The following ENOX1 variants were observed in gnomAD, a reference collection of about 807,000 sequenced individuals.
The protein encoded by ENOX1 is candidate growth-related and time keeping constitutive hydroquinone (NADH) oxidase.
Under a neutral mutation model 82.5 loss-of-function variants are expected in ENOX1, and 42 were observed. The ratio of observed to expected loss-of-function variants is 0.51; its 90% confidence interval spans 0.40 to 0.66. ENOX1 has a LOEUF of 0.66. Ranked by LOEUF, ENOX1 falls within the 30% of genes least tolerant of loss-of-function variation. The probability of loss-of-function intolerance (pLI) is 0.00; values close to 1 mark genes in which losing one functional copy is unlikely to be tolerated. For missense variants in ENOX1, 608 were observed against 811.6 expected (o/e 0.75, Z 3.05); for synonymous variants, 271 against 282.2 (o/e 0.96, Z 0.40).
At chr13:43,470,345 T>C (rs374408100) in intron 3 of ENOX1, among the ~76,000 whole-genome samples, 7 of 13,176 alleles carry the variant, frequency 5.3e-4, no homozygotes, top group Admixed American at 1.0e-3. Context: ...TATATACGTA[T>C]ATATATATGT....
chr13:43,664,013 A>G lies in ENOX1; in HGVS notation c.-219+3466T>C, dbSNP rs1037276385. Among the ~76,000 whole-genome samples, 4 of 152,312 alleles carry G rather than the reference A, an allele frequency of 2.6e-5. No individual in the cohort carries two copies. The East Asian group carries it at 7.7e-4, about 29-fold the overall frequency. On this transcript the variant is annotated intron_variant, in intron 2 of 16. Coordinates refer to ENST00000690772, the MANE Select transcript of ENOX1 (RefSeq NM_001347969.2). ...GATCCTACAGAAAGCAGACATTAAG[A>G]TTCCTATTTTAACTGATTTGTGTAC... is the stretch of plus-strand genomic sequence containing the variant.
intron 5 of ENOX1, among the ~76,000 whole-genome samples, chr13:43,395,426 G>A (rs113572452): frequency 0.049 from 7,432 of 152,224 alleles, 519 homozygotes; most frequent in African/African-American, 0.15. Flanking sequence ...TGAGGTAGGA[G>A]GATCACTTGG....
chr13:43,732,405 G>A (rs2089399328), intron 1 of ENOX1, among the ~76,000 whole-genome samples: 1 of 152,110 alleles, frequency 6.6e-6, no homozygotes, highest in Non-Finnish European at 1.5e-5. Flanking sequence ...CATTACCAAA[G>A]ACTATTTGAA....
At chr13:43,396,413 CT>C (rs1205530115) in intron 5 of ENOX1, among the ~76,000 whole-genome samples, 1 of 152,168 alleles carries the variant, frequency 6.6e-6, no homozygotes, top group African/African-American at 2.4e-5. Context: ...CAGTTTTGCT[CT>C]TGTAGCCCAG....
At chr13:43,581,379 G>A (rs1014665396) in intron 2 of ENOX1, among the ~76,000 whole-genome samples, 5 of 151,816 alleles carry the variant, frequency 3.3e-5, no homozygotes, top group Admixed American at 6.6e-5. Context: ...TGATCCGCCC[G>A]CCTCAGCCTC....
intron 1 of ENOX1, among the ~76,000 whole-genome samples, chr13:43,676,316 A>C (rs1268431916): frequency 6.6e-6 from 1 of 152,204 alleles, no homozygotes; most frequent in Admixed American, 6.5e-5. Context: ...TTACCACTAA[A>C]ATAAGTCAGA....
intron 2 of ENOX1, among the ~76,000 whole-genome samples, chr13:43,607,710 A>G (rs1371356666): frequency 2.6e-5 from 4 of 152,190 alleles, no homozygotes; most frequent in African/African-American, 9.7e-5. Flanking sequence ...CTGCTCACCA[A>G]TTAGGGCAAG....
At chr13:43,689,605 T>G (rs752435700) in intron 1 of ENOX1, among the ~76,000 whole-genome samples, 1 of 152,210 alleles carries the variant, frequency 6.6e-6, no homozygotes, top group Non-Finnish European at 1.5e-5. Context: ...GATGGACTGC[T>G]TTAGGGCTAT....
intron 2 of ENOX1, among the ~76,000 whole-genome samples, chr13:43,552,922 ACCAATTAATTT>A (rs2079268394): frequency 5.3e-5 from 8 of 152,216 alleles, no homozygotes; most frequent in African/African-American, 1.9e-4. Flanking sequence ...ATATCTTATT[ACCAATTAATTT>A]AAGGATATTG....
At chr13:43,511,079 G>T (rs2077350549) in intron 2 of ENOX1, among the ~76,000 whole-genome samples, 1 of 152,068 alleles carries the variant, frequency 6.6e-6, no homozygotes, top group East Asian at 1.9e-4. Flanking sequence ...TACATATTTA[G>T]TTCCTTAAAG....
intron 1 of ENOX1, among the ~76,000 whole-genome samples, chr13:43,755,463 T>C (rs1257158902): frequency 6.6e-6 from 1 of 152,134 alleles, no homozygotes; most frequent in African/African-American, 2.4e-5. Flanking sequence ...CTCTAACACC[T>C]CTCACTCCTG....
At chr13:43,704,755 G>A (rs529252410) in intron 1 of ENOX1, among the ~76,000 whole-genome samples, 5 of 152,248 alleles carry the variant, frequency 3.3e-5, no homozygotes, top group East Asian at 3.9e-4. Flanking sequence ...AGGATAAAAC[G>A]AACCAATGGA....
At chr13:43,276,805 G>A (rs2045062303) in intron 12 of ENOX1, among the ~76,000 whole-genome samples, 3 of 149,346 alleles carry the variant, frequency 2.0e-5, no homozygotes, top group Non-Finnish European at 4.4e-5. Flanking sequence ...TTGCCACCTG[G>A]TATCTACAAT....
chr13:43,375,426 C>A (rs2051557663), intron 5 of ENOX1, among the ~76,000 whole-genome samples: 1 of 152,158 alleles, frequency 6.6e-6, no homozygotes, highest in African/African-American at 2.4e-5. Flanking sequence ...CTAGGTCCTT[C>A]TGAGATATTT....
At chr13:43,469,568 T>C (rs908250318) in intron 3 of ENOX1, among the ~76,000 whole-genome samples, 1 of 151,910 alleles carries the variant, frequency 6.6e-6, no homozygotes, top group Non-Finnish European at 1.5e-5. Flanking sequence ...AATATAATAG[T>C]AGGTATTTAA....
chr13:43,268,218 A>G (rs901717374), intron 13 of ENOX1, among the ~76,000 whole-genome samples: 6 of 152,196 alleles, frequency 3.9e-5, no homozygotes, highest in African/African-American at 4.8e-5. Context: ...GCTCAGAGCT[A>G]TATCTGGTTG....
At chr13:43,524,532 C>T (rs550052760) in intron 2 of ENOX1, among the ~76,000 whole-genome samples, 1 of 152,246 alleles carries the variant, frequency 6.6e-6, no homozygotes, top group African/African-American at 2.4e-5. Flanking sequence ...CCCTGGCTTG[C>T]TCTCTGCTCC....
chr13:43,314,012 C>T (rs1010565522), intron 11 of ENOX1, among the ~76,000 whole-genome samples: 5 of 152,174 alleles, frequency 3.3e-5, no homozygotes, highest in Non-Finnish European at 5.9e-5. Context: ...AATGCCCTGC[C>T]GGAAATGCTA....
intron 2 of ENOX1, among the ~76,000 whole-genome samples, chr13:43,636,021 C>T (rs532949989): frequency 9.2e-5 from 14 of 152,286 alleles, no homozygotes; most frequent in Admixed American, 2.6e-4. Context: ...GAATTGCTGT[C>T]AGCACAGCTA....
Sources: allele counts gnomAD v4.1 joint callset (sites outside exome capture counted in the v4.1 genomes callset), GRCh38; gene constraint gnomAD v4.1.1; transcripts MANE v1.5; gene names NCBI Gene and HGNC (gene_info 2026-07-23, HGNC 2026-07-21).